HOOK2: variants seen among roughly 807,000 people sequenced by gnomAD.
The protein encoded by HOOK2 is protein Hook homolog 2.
HOOK2 carries 108 observed loss-of-function variants against 111.9 expected under a neutral mutation model. That is an observed-to-expected ratio of 0.96 (90% CI 0.83 to 1.13). The LOEUF (loss-of-function observed/expected upper bound fraction) is 1.13. Ranked by LOEUF, HOOK2 falls within the 50% of genes most tolerant of loss-of-function variation. HOOK2 has a pLI of 0.00. For missense variants in HOOK2, 978 were observed against 951.3 expected, an observed-to-expected ratio of 1.03 and a Z score of -0.37; for synonymous variants, 405 against 394.3, an observed-to-expected ratio of 1.03 and a Z score of -0.32.
At chr19:12,769,328 C>T (rs966469724) in intron 11 of HOOK2, among the ~76,000 whole-genome samples, 1 of 152,022 alleles carries the variant, frequency 6.6e-6, no homozygotes, top group Non-Finnish European at 1.5e-5. Context: ...TCTCAAACTC[C>T]TGGCCTCAAG....
chr19:12,780,257 G>T (rs1968585719), upstream of HOOK2, among the ~76,000 whole-genome samples: 1 of 152,156 alleles, frequency 6.6e-6, no homozygotes, highest in Admixed American at 6.5e-5. Context: ...TTTGGGTGGG[G>T]CTCTCTCACT....
intron 3 of HOOK2, among the ~76,000 whole-genome samples, chr19:12,784,319 C>G (rs1046337182): frequency 6.6e-6 from 1 of 152,006 alleles, no homozygotes; most frequent in African/African-American, 2.4e-5. Context: ...GACTGCCAGC[C>G]AGGGACACAC....
At chr19:12,764,779 G>T (rs1227934525) in intron 20 of HOOK2, 35 bp downstream of exon 20, 2 of 1,583,576 alleles carry the variant, frequency 1.3e-6, no homozygotes, top group East Asian at 2.2e-5. Context: ...AAGAAGCCAG[G>T]GCAGGCAACT....
At chr19:12,775,131 A>C in intron 1 of HOOK2, 1 of 956,496 alleles carries the variant, frequency 1.0e-6, no homozygotes, top group African/African-American at 1.8e-5. Context: ...ATCGCGAGTC[A>C]CCTGGGCCCC....
upstream of HOOK2, among the ~76,000 whole-genome samples, chr19:12,781,329 T>G (rs569499512): frequency 3.4e-4 from 51 of 149,868 alleles, no homozygotes; most frequent in Middle Eastern, 6.8e-3. Context: ...AAAAAATAAA[T>G]AACGAAAAAG....
chr19:12,776,894 C>G (rs1223884083), upstream of HOOK2, among the ~76,000 whole-genome samples: 3 of 151,342 alleles, frequency 2.0e-5, no homozygotes, highest in African/African-American at 7.3e-5. Context: ...CGCGGCGGCT[C>G]ACGTCTGTAT....
chr19:12,789,203 G>T (rs1034701692), intron 3 of HOOK2, among the ~76,000 whole-genome samples: 11 of 150,972 alleles, frequency 7.3e-5, no homozygotes, highest in Non-Finnish European at 1.5e-4. Context: ...CAAAGAGAGA[G>T]AGAGAGAGAC....
In HOOK2 at chr19:12,771,087, G is replaced by T. The variant is rs1411023163; in HGVS notation, c.762-15C>A. The T allele has an allele frequency of 6.2e-7, 1 of 1,612,040 alleles. No homozygotes were observed. Among genetic ancestry groups the T allele is most frequent in the East Asian group, 2.2e-5 (1 of 44,812 alleles). On this transcript the variant is annotated splice_polypyrimidine_tract_variant and intron_variant, in intron 9 of 22. Coordinates refer to ENST00000397668, the MANE Select transcript of HOOK2 (RefSeq NM_013312.3). ...CACTCTCCAGCCTGGGGGTGTTGGG[G>T]GAAGAGCACATGAGGGGGCTGCCCT...
Position 12,766,147 on chromosome 19 carries a change from C to G in HOOK2, c.1467G>C (p.Leu489=), listed in dbSNP as rs1968138382. 1.9e-6 allele frequency: 3 copies of G among 1,601,386 alleles called. No individual in the cohort carries two copies. Among genetic ancestry groups the G allele is most frequent in the Admixed American group, 1.7e-5 (1 of 59,948 alleles). Residue 489 remains leucine (L), a synonymous_variant, in exon 15 of 23, where the codon CTG becomes CTC. Transcript: ENST00000397668. ...RERQEELQRH[L]EDANRARHGL... Reference sequence around the variant, plus strand: ...CGTGGCGCGCGCGGTTGGCATCCTCCAGGTGGCGCTGCAGCTCCTCCTGCC... The same window carrying G: ...CGTGGCGCGCGCGGTTGGCATCCTCGAGGTGGCGCTGCAGCTCCTCCTGCC...
intron 1 of HOOK2, 38 bp from the exon 2 acceptor site, chr19:12,774,935 C>T (rs1968450463): frequency 6.3e-7 from 1 of 1,575,794 alleles, no homozygotes; most frequent in Non-Finnish European, 8.7e-7. Flanking sequence ...AGAGTTAGGG[C>T]CTGGGAGCGC....
chr19:12,772,378 C>T (rs1968363186), intron 6 of HOOK2, 126 bp from the exon 7 acceptor site: 1 of 1,141,846 alleles, frequency 8.8e-7, no homozygotes, highest in African/African-American at 1.5e-5. Context: ...TAACCCCAGC[C>T]CAGAGGCTGC....
chr19:12,763,348 G>A lies in HOOK2; in HGVS notation c.2094C>T (p.Thr698=). ...GTCCCAAGGGTCCACGGCGAGAATT[G>A]GTTGCCAGCCGCTGCTGTGCCAGGA... ...QSFLAQQRLA[T]NSRRGPLGRL... Residue 698 remains threonine, a synonymous_variant, in exon 23 of 23, where the codon ACC becomes ACT. Coordinates refer to ENST00000397668, the MANE Select transcript of HOOK2 (RefSeq NM_013312.3). 6.2e-7 allele frequency: 1 copy of A among 1,614,176 alleles called. No homozygotes were observed. Among genetic ancestry groups the A allele is most frequent in the Non-Finnish European group, 8.5e-7 (1 of 1,180,040 alleles).
chr19:12,780,415 G>A (rs550695091), upstream of HOOK2, among the ~76,000 whole-genome samples: 162 of 151,774 alleles, frequency 1.1e-3, no homozygotes, highest in Middle Eastern at 0.01. Context: ...GGAGTGCAGT[G>A]GAGCGATCTC....
Position 12,763,428 on chromosome 19 carries a change from T to C in HOOK2, c.2014A>G (p.Met672Val). Residue 672 changes from methionine (M) to valine (V), a missense_variant, in exon 23 of 23, where the codon ATG becomes GTG. Coordinates refer to ENST00000397668, the MANE Select transcript of HOOK2 (RefSeq NM_013312.3). ...LLISAWYNMG[M>V]ALQQRAGEER... ...TCCCCAGCTCGCTGCTGCAAGGCCA[T>C]GCCCTTCAGGAGGAGGTGTGGTTGG... 1 of 1,613,828 alleles carries C rather than the reference T, an allele frequency of 6.2e-7. No individual in the cohort carries two copies. The highest frequency in any genetic ancestry group is 8.5e-7 in the Non-Finnish European group (1 of 1,179,888).
chr19:12,767,668 C>T, intron 13 of HOOK2, 148 bp downstream of exon 13: 1 of 854,534 alleles, frequency 1.2e-6, no homozygotes, highest in Non-Finnish European at 1.8e-6. Flanking sequence ...CTGAGCCTCT[C>T]TCTTCAATTT....
At chr19:12,775,586 GGCCCC>G, upstream of HOOK2, 2 of 732,142 alleles carry the variant, frequency 2.7e-6, no homozygotes, top group Non-Finnish European at 3.6e-6. Context: ...CCTAGGCGCA[GGCCCC>G]GCCCCGCCCC....
upstream of HOOK2, among the ~76,000 whole-genome samples, chr19:12,779,779 TG>T (rs1599517262): frequency 8.9e-6 from 1 of 112,638 alleles, no homozygotes; most frequent in Non-Finnish European, 1.8e-5. Flanking sequence ...CCTGATTTGA[TG>T]GGGGGGAGGG....
At chr19:12,766,526 G>C in intron 14 of HOOK2, 1 of 425,192 alleles carries the variant, frequency 2.4e-6, no homozygotes, top group Non-Finnish European at 4.2e-6. Flanking sequence ...AGCAGAAATG[G>C]GAAGAACTAG....
rs1478618500 is a variant in HOOK2, at chr19:12,790,262, G to T, written n.42-16037C>A. On this transcript the variant is annotated intron_variant and non_coding_transcript_variant, in intron 3 of 3. Coordinates refer to the HOOK2 transcript ENST00000589765. This position sits in a 1 kb window ranked among gnomAD's most constrained non-coding sequence, Gnocchi z 7.2. Reference sequence around the variant, plus strand: ...CGCAGGATGCGGCGGGACCCAGGGCGGGGCGCACGGTCCCGTAGGATCCGA... The same window carrying T: ...CGCAGGATGCGGCGGGACCCAGGGCTGGGCGCACGGTCCCGTAGGATCCGA... Among the ~76,000 whole-genome samples, 1 of 152,216 alleles carries T rather than the reference G, an allele frequency of 6.6e-6. No individual in the cohort carries two copies. Among genetic ancestry groups the T allele is most frequent in the African/African-American group, 2.4e-5 (1 of 41,462 alleles).
Sources: gnomAD v4.1 joint callset for allele counts (sites outside exome capture counted in the v4.1 genomes callset) on GRCh38, gnomAD v4.1.1 for gene constraint, Gnocchi (gnomAD v3.1) non-coding constraint, MANE v1.5 for transcripts, NCBI Gene and HGNC (gene_info 2026-07-23, HGNC 2026-07-21) for gene names.